FGF14: variants seen among roughly 807,000 people sequenced by gnomAD.
The protein encoded by FGF14 is fibroblast growth factor homologous factor 4.
FGF14 carries 5 observed loss-of-function variants against 25.5 expected under a neutral mutation model. That is an observed-to-expected ratio of 0.20 (90% confidence interval 0.10 to 0.41). The LOEUF is 0.41. Ranked by LOEUF, FGF14 falls within the 10% of genes least tolerant of loss-of-function variation. The probability of loss-of-function intolerance (pLI) is 1.00; values close to 1 mark genes in which losing one functional copy is unlikely to be tolerated. For synonymous variants in FGF14, 138 were observed against 118.3 expected, an observed-to-expected ratio of 1.17 and a Z score of -1.08; for missense variants, 222 against 320.1, an observed-to-expected ratio of 0.69 and a Z score of 2.34.
At chr13:102,237,696 A>C (rs892538017) in intron 1 of FGF14, among the ~76,000 whole-genome samples, 2 of 152,216 alleles carry the variant, frequency 1.3e-5, no homozygotes, top group Non-Finnish European at 2.9e-5. Context: ...TTTCTAAAAA[A>C]CTGTCTTCAG....
chr13:101,833,623 A>T (rs1299780259), intron 3 of FGF14, among the ~76,000 whole-genome samples: 1 of 152,100 alleles, frequency 6.6e-6, no homozygotes, highest in Non-Finnish European at 1.5e-5. Context: ...ACATATATAC[A>T]GACAGATAGG....
intron 1 of FGF14, among the ~76,000 whole-genome samples, chr13:101,936,125 T>C (rs1017011048): frequency 2.0e-5 from 3 of 152,192 alleles, no homozygotes; most frequent in Middle Eastern, 3.2e-3. Context: ...GACAATTTTA[T>C]AAAGGAGAAA....
At chr13:102,132,193 G>T (rs2046227644) in intron 1 of FGF14, among the ~76,000 whole-genome samples, 1 of 152,172 alleles carries the variant, frequency 6.6e-6, no homozygotes. Context: ...GAGAGGAATT[G>T]TGAAATATAC....
intron 1 of FGF14, among the ~76,000 whole-genome samples, chr13:102,336,783 C>T (rs1577692): frequency 0.76 from 115,010 of 152,180 alleles, 44,539 homozygotes; most frequent in African/African-American, 0.93. Context: ...AATACTAATT[C>T]ATCATTCTGA....
At chr13:102,014,681 C>A (rs565831750) in intron 1 of FGF14, among the ~76,000 whole-genome samples, 1 of 152,260 alleles carries the variant, frequency 6.6e-6, no homozygotes, top group South Asian at 2.1e-4. Context: ...ACAAGTCTTC[C>A]ATTTTCTACT....
At chr13:102,121,162 C>T (rs1217121689) in intron 1 of FGF14, among the ~76,000 whole-genome samples, 1 of 152,052 alleles carries the variant, frequency 6.6e-6, no homozygotes, top group Non-Finnish European at 1.5e-5. Flanking sequence ...GGGTTGCATG[C>T]CTGTTTGGAA....
At chr13:102,311,493 T>C (rs2055764937) in intron 1 of FGF14, among the ~76,000 whole-genome samples, 1 of 152,228 alleles carries the variant, frequency 6.6e-6, no homozygotes, top group African/African-American at 2.4e-5. Context: ...ATCGGGCCGA[T>C]TTAAAAGTCA....
intron 1 of FGF14, among the ~76,000 whole-genome samples, chr13:102,353,279 T>G (rs1410124611): frequency 6.6e-6 from 1 of 152,196 alleles, no homozygotes; most frequent in East Asian, 1.9e-4. Flanking sequence ...CATCTCCCCT[T>G]CACCATCCAA....
intron 1 of FGF14, among the ~76,000 whole-genome samples, chr13:101,991,316 T>C (rs768898741): frequency 2.6e-5 from 4 of 152,114 alleles, no homozygotes; most frequent in Non-Finnish European, 5.9e-5. Flanking sequence ...AAGGAAACAA[T>C]CTGATGAAAT....
intron 1 of FGF14, among the ~76,000 whole-genome samples, chr13:102,182,252 A>G (rs1233635864): frequency 6.6e-6 from 1 of 152,134 alleles, no homozygotes; most frequent in Non-Finnish European, 1.5e-5. Context: ...GGTATTGAAT[A>G]TGAAGGAAAG....
chr13:102,199,925 C>T (rs1315946627), intron 1 of FGF14, among the ~76,000 whole-genome samples: 1 of 152,172 alleles, frequency 6.6e-6, no homozygotes, highest in Non-Finnish European at 1.5e-5. Flanking sequence ...GCACATTACA[C>T]TTTGGGGATG....
chr13:102,186,013 A>C (rs2048860046), intron 1 of FGF14, among the ~76,000 whole-genome samples: 2 of 152,164 alleles, frequency 1.3e-5, no homozygotes, highest in Admixed American at 6.6e-5. Flanking sequence ...AGATCTGGTG[A>C]CCCAGTCTGG....
At chr13:102,356,952 C>A (rs1387411381) in intron 1 of FGF14, among the ~76,000 whole-genome samples, 11 of 142,582 alleles carry the variant, frequency 7.7e-5, no homozygotes, top group African/African-American at 2.8e-4. Flanking sequence ...TATATATACA[C>A]ACAAACAGAT....
At chr13:102,339,889 C>T (rs2056898395) in intron 1 of FGF14, among the ~76,000 whole-genome samples, 1 of 152,080 alleles carries the variant, frequency 6.6e-6, no homozygotes, top group Non-Finnish European at 1.5e-5. Flanking sequence ...AGGACCACAC[C>T]ATCTAAAGTG....
rs1340890291 is a variant in FGF14 at position 102,059,600 on chromosome 13, C to CA, written c.209-184305dup. On this transcript the variant is annotated intron_variant, in intron 1 of 4. Transcript: ENST00000376131. ...GCACAGTGACTCACGCCTGTAATCC[C>CA]AGCACTTTGGGAGGCCGAGGCGGGT... 3.3e-5 allele frequency among the ~76,000 whole-genome samples: 5 copies of CA among 152,328 alleles called. No homozygotes were observed. The South Asian group carries it at 1.0e-3, about 32-fold the overall frequency.
At chr13:102,059,033 A>G (rs572827628) in intron 1 of FGF14, among the ~76,000 whole-genome samples, 2 of 152,266 alleles carry the variant, frequency 1.3e-5, no homozygotes, top group Non-Finnish European at 2.9e-5. Context: ...CTCCAGTGAA[A>G]TAACAAGTTT....
In FGF14 at chr13:101,868,489, T is replaced by G; in HGVS notation, c.408+236A>C. ...TTAGATTCACGTGTATACTAGGTTA[T>G]TTTTTAAAATATGGCAAAAGCACTA... On this transcript the variant is annotated intron_variant, in intron 3 of 4. Transcript: ENST00000376143. 6.4e-6 allele frequency: 3 copies of G among 469,194 alleles called. 1 individual carries two copies. Among genetic ancestry groups the G allele is most frequent in the Non-Finnish European group, 1.2e-5 (3 of 255,920 alleles). The allele number at this position is 469,194 out of a possible 1,614,324, so 29.1% of individuals were successfully genotyped here. A position where few individuals can be genotyped will look rare whatever the true frequency, so the allele number is the denominator to read the frequency against.
intron 1 of FGF14, among the ~76,000 whole-genome samples, chr13:102,090,913 C>T (rs1009946051): frequency 3.3e-5 from 5 of 152,224 alleles, no homozygotes; most frequent in African/African-American, 4.8e-5. Context: ...ATATATTATA[C>T]TGTCTGAATC....
At chr13:102,115,978 C>T (rs1174131275) in intron 1 of FGF14, among the ~76,000 whole-genome samples, 13 of 151,982 alleles carry the variant, frequency 8.6e-5, no homozygotes, top group Admixed American at 3.3e-4. Flanking sequence ...GGCTTGGTGA[C>T]GCATGCCTGT....
Sources: allele counts gnomAD v4.1 joint callset (sites outside exome capture counted in the v4.1 genomes callset), GRCh38; gene constraint gnomAD v4.1.1; transcripts MANE v1.5; gene names NCBI Gene and HGNC (gene_info 2026-07-23, HGNC 2026-07-21).